ADAMTS12: variants seen among roughly 807,000 people sequenced by gnomAD.
ADAMTS12 encodes ADAM metallopeptidase with thrombospondin type 1 motif 12.
In ADAMTS12, 118 loss-of-function variants were observed where a neutral mutation model predicts 167.8. That is an observed-to-expected ratio of 0.70 (90% CI 0.61 to 0.82). The LOEUF is 0.82. Among genes scored for constraint, ADAMTS12 ranks in the 40% least tolerant of loss-of-function variants. The pLI, the probability that ADAMTS12 is intolerant of heterozygous loss-of-function variation, is 0.00. For synonymous variants in ADAMTS12, 704 were observed against 716.9 expected (o/e 0.98, Z 0.29); for missense variants, 1,916 against 1,998.8 (o/e 0.96, Z 0.79).
intron 14 of ADAMTS12, among the ~76,000 whole-genome samples, chr5:33,616,858 G>A (rs1391113641): frequency 6.6e-6 from 1 of 152,172 alleles, no homozygotes; most frequent in Non-Finnish European, 1.5e-5. Context: ...TATGGTAAGA[G>A]GCATACTGGT....
At chr5:33,833,116 G>A (rs1212129069) in intron 2 of ADAMTS12, among the ~76,000 whole-genome samples, 3 of 152,136 alleles carry the variant, frequency 2.0e-5, no homozygotes, top group Non-Finnish European at 4.4e-5. Context: ...AGAACACATG[G>A]GAATTAGTGT....
chr5:33,678,313 G>A (rs1450452162), intron 5 of ADAMTS12, among the ~76,000 whole-genome samples: 3 of 152,214 alleles, frequency 2.0e-5, no homozygotes, highest in Non-Finnish European at 2.9e-5. Context: ...CTCCTATTTA[G>A]TATTTGAACA....
At chr5:33,741,947 CT>C (rs1327968084) in intron 3 of ADAMTS12, among the ~76,000 whole-genome samples, 1 of 152,168 alleles carries the variant, frequency 6.6e-6, no homozygotes, top group African/African-American at 2.4e-5. Context: ...ATTTCTAAAC[CT>C]CCTAATTATA....
chr5:33,827,585 T>C (rs1489198720), intron 2 of ADAMTS12, among the ~76,000 whole-genome samples: 1 of 152,090 alleles, frequency 6.6e-6, no homozygotes, highest in Non-Finnish European at 1.5e-5. Context: ...CTCAGCAAAT[T>C]TCCTTTATCC....
chr5:33,734,312 A>G (rs1328881523), intron 3 of ADAMTS12, among the ~76,000 whole-genome samples: 1 of 152,214 alleles, frequency 6.6e-6, no homozygotes, highest in East Asian at 1.9e-4. Context: ...GTCAGAGGTG[A>G]GGACACAGCT....
intron 5 of ADAMTS12, among the ~76,000 whole-genome samples, chr5:33,663,601 A>C (rs1561201719): frequency 6.6e-6 from 1 of 152,204 alleles, no homozygotes; most frequent in African/African-American, 2.4e-5. Flanking sequence ...AGGGAAATTA[A>C]ACCTCAGGGA....
At chr5:33,891,497 T>C (rs1750850656) in intron 1 of ADAMTS12, 2 of 561,704 alleles carry the variant, frequency 3.6e-6, no homozygotes, top group Admixed American at 6.4e-5. Flanking sequence ...GTGTCATCCC[T>C]GTAAAAGAGT....
At chr5:33,857,331 G>A (rs1415893524) in intron 2 of ADAMTS12, among the ~76,000 whole-genome samples, 1 of 151,754 alleles carries the variant, frequency 6.6e-6, no homozygotes, top group African/African-American at 2.4e-5. Flanking sequence ...AATTTCTAGA[G>A]ATCTAATGTA....
chr5:33,644,890 C>T (rs1038896407), intron 9 of ADAMTS12, among the ~76,000 whole-genome samples: 2 of 152,036 alleles, frequency 1.3e-5, no homozygotes, highest in African/African-American at 4.8e-5. Flanking sequence ...GCCTCCACGC[C>T]CGGCTAATTT....
chr5:33,760,698 C>T (rs1432909975), intron 2 of ADAMTS12, among the ~76,000 whole-genome samples: 1 of 152,228 alleles, frequency 6.6e-6, no homozygotes, highest in Non-Finnish European at 1.5e-5. Flanking sequence ...CTCTCTAACA[C>T]TGTTCTCAGG....
Position 33,525,513 on chromosome 5 carries a change from C to T in ADAMTS12, c.*1675G>A, listed in dbSNP as rs1743775050. The T allele has an allele frequency of 6.6e-6, 1 of 152,178 alleles. No homozygotes were observed. Among genetic ancestry groups the T allele is most frequent in the African/African-American group, 2.4e-5 (1 of 41,442 alleles). The allele number at this position is 152,178 out of a possible 1,614,324, so 9.4% of individuals were successfully genotyped here. On this transcript the variant is annotated 3_prime_UTR_variant, in exon 24 of 24. Coordinates refer to ENST00000504830, the MANE Select transcript of ADAMTS12 (RefSeq NM_030955.4). ...ATAAAACTGGCATTGGTCAGCAACACCGTTACATGTTTAACAGAAGATGTA... is the reference window on the plus strand; with the variant it reads ...ATAAAACTGGCATTGGTCAGCAACATCGTTACATGTTTAACAGAAGATGTA...
intron 3 of ADAMTS12, among the ~76,000 whole-genome samples, chr5:33,722,217 C>T (rs1743830520): frequency 6.6e-6 from 1 of 151,348 alleles, no homozygotes; most frequent in Non-Finnish European, 1.5e-5. Context: ...TAATATAGTC[C>T]ACCGGTAATT....
At chr5:33,735,478 T>C (rs906851787) in intron 3 of ADAMTS12, among the ~76,000 whole-genome samples, 1 of 152,194 alleles carries the variant, frequency 6.6e-6, no homozygotes, top group African/African-American at 2.4e-5. Context: ...TGAGTACTTA[T>C]ATACCCATCT....
rs7444287 is a variant in ADAMTS12 at position 33,631,037 on chromosome 5, C to T, written c.1889-124G>A. The stretch of plus-strand genomic sequence containing the variant: ...CTCTGGCAATCCCACCTTTTCACCT[C>T]CTTGAGACACATGCTGAAATATGCC... On this transcript the variant is annotated intron_variant, in intron 12 of 23. Transcript: ENST00000504830. 1,250 of 1,078,188 alleles carry T rather than the reference C, an allele frequency of 1.2e-3. 21 individuals carry two copies. The South Asian group carries it at 0.017, about 14-fold the overall frequency. The allele number at this position is 1,078,188 out of a possible 1,614,324, so 66.8% of individuals were successfully genotyped here.
At chr5:33,596,943 G>C (rs16891390) in intron 16 of ADAMTS12, among the ~76,000 whole-genome samples, 2,938 of 152,232 alleles carry the variant, frequency 0.019, 100 homozygotes, top group African/African-American at 0.067. Flanking sequence ...ATGTAAGTAA[G>C]GGACTCACAC....
At chr5:33,631,484 T>C (rs1739930479) in intron 12 of ADAMTS12, among the ~76,000 whole-genome samples, 1 of 149,674 alleles carries the variant, frequency 6.7e-6, no homozygotes, top group East Asian at 2.0e-4. Context: ...ATTTTTTTTG[T>C]TGAAGCTGAA....
chr5:33,861,779 T>C (rs918826132), intron 2 of ADAMTS12, among the ~76,000 whole-genome samples: 1 of 152,136 alleles, frequency 6.6e-6, no homozygotes, highest in Non-Finnish European at 1.5e-5. Flanking sequence ...TAATTGAAAG[T>C]AAAACACTCC....
intron 14 of ADAMTS12, among the ~76,000 whole-genome samples, chr5:33,619,173 A>G (rs929675852): frequency 1.3e-5 from 2 of 152,220 alleles, no homozygotes; most frequent in African/African-American, 4.8e-5. Context: ...CAAAGCATCA[A>G]TGCATCCAAT....
intron 3 of ADAMTS12, among the ~76,000 whole-genome samples, chr5:33,749,135 T>C (rs900246459): frequency 6.6e-6 from 1 of 152,198 alleles, no homozygotes; most frequent in Non-Finnish European, 1.5e-5. Flanking sequence ...TGAAATACTC[T>C]TTGTCAGTTC....
Sources: allele counts gnomAD v4.1 joint callset (sites outside exome capture counted in the v4.1 genomes callset), GRCh38; gene constraint gnomAD v4.1.1; transcripts MANE v1.5; gene names NCBI Gene and HGNC (gene_info 2026-07-23, HGNC 2026-07-21).